The following CFTR variants were observed in gnomAD, a reference collection of about 807,000 sequenced individuals.
The protein encoded by CFTR is cystic fibrosis transmembrane conductance regulator.
A neutral mutation model predicts 171.6 loss-of-function variants in CFTR; 181 were observed. The ratio of observed to expected loss-of-function variants is 1.05; its 90% CI spans 0.93 to 1.19. CFTR has a LOEUF of 1.19. CFTR is among the 50% of genes most tolerant of loss of function. The pLI is 0.00. For synonymous variants in CFTR, 583 were observed against 608.0 expected (o/e 0.96, Z 0.60); for missense variants, 1,968 against 1,734.7 (o/e 1.13, Z -2.39).
At chr7:117,664,959 C>A (rs554926739) in intron 25 of CFTR, 99 bp downstream of exon 25, 7 of 1,258,062 alleles carry the variant, frequency 5.6e-6, no homozygotes, top group Non-Finnish European at 7.0e-6. Flanking sequence ...GTCATGTCTG[C>A]GTGTGGGGGT....
rs75036007 is a variant in CFTR at position 117,615,592 on chromosome 7, A to G, written c.3468+879A>G. ...TTGATAAATATTGCCACACATTTGT[A>G]TACTTTATTAGTGTGTACAAAGACC... On this transcript the variant is annotated intron_variant, in intron 21 of 26. Coordinates refer to ENST00000003084, the MANE Select transcript of CFTR (RefSeq NM_000492.4). Among the ~76,000 whole-genome samples, 313 of 151,748 alleles carry G rather than the reference A, an allele frequency of 2.1e-3. 1 individual carries two copies. The highest frequency in any genetic ancestry group is 7.3e-3 in the African/African-American group (304 of 41,446).
At chr7:117,502,629 A>G (rs930688416) in intron 1 of CFTR, among the ~76,000 whole-genome samples, 2 of 152,272 alleles carry the variant, frequency 1.3e-5, no homozygotes, top group Admixed American at 1.3e-4. Flanking sequence ...TGGGTGTGCC[A>G]TCACTTTCTC....
chr7:117,567,263 T>C (rs1329943356), intron 11 of CFTR, among the ~76,000 whole-genome samples: 7 of 152,214 alleles, frequency 4.6e-5, no homozygotes, highest in Admixed American at 4.6e-4. Context: ...CTTACACTTA[T>C]TTTTTAATGG....
At chr7:117,657,708 G>A (rs770900709) in intron 24 of CFTR, among the ~76,000 whole-genome samples, 1 of 152,158 alleles carries the variant, frequency 6.6e-6, no homozygotes, top group Non-Finnish European at 1.5e-5. Flanking sequence ...CTTTGTCCTT[G>A]CCATGACTAG....
At chr7:117,599,519 T>C (rs1248432890) in intron 15 of CFTR, among the ~76,000 whole-genome samples, 1 of 152,110 alleles carries the variant, frequency 6.6e-6, no homozygotes, top group East Asian at 1.9e-4. Context: ...TTTATTGAAC[T>C]GTCACAATTA....
intron 23 of CFTR, among the ~76,000 whole-genome samples, chr7:117,644,401 C>T (rs1208783720): frequency 1.3e-5 from 2 of 151,248 alleles, no homozygotes; most frequent in East Asian, 3.9e-4. Context: ...TAATTTTATC[C>T]TGTCCTAAAG....
At chr7:117,586,015 C>T (rs575825856) in intron 11 of CFTR, among the ~76,000 whole-genome samples, 3 of 152,320 alleles carry the variant, frequency 2.0e-5, no homozygotes, top group Admixed American at 1.3e-4. Flanking sequence ...GAAATACACA[C>T]ACGAGCTGTT....
At chr7:117,554,100 C>A (rs939573903) in intron 10 of CFTR, among the ~76,000 whole-genome samples, 58 of 152,042 alleles carry the variant, frequency 3.8e-4, no homozygotes. Flanking sequence ...GATTAGAGGC[C>A]ACTGGAGAGT....
At chr7:117,664,918 G>T in intron 25 of CFTR, 58 bp downstream of exon 25, 1 of 1,544,118 alleles carries the variant, frequency 6.5e-7, no homozygotes, top group Non-Finnish European at 9.0e-7. Flanking sequence ...CATTATGCCT[G>T]CTTCATGGTG....
intron 2 of CFTR, among the ~76,000 whole-genome samples, chr7:117,506,280 T>C (rs1798415247): frequency 6.6e-6 from 1 of 152,216 alleles, no homozygotes; most frequent in African/African-American, 2.4e-5. Flanking sequence ...AGAGTCTTGC[T>C]CTGTTGCCCA....
At chr7:117,575,199 A>T (rs866490690) in intron 11 of CFTR, among the ~76,000 whole-genome samples, 4 of 152,126 alleles carry the variant, frequency 2.6e-5, no homozygotes, top group African/African-American at 7.2e-5. Flanking sequence ...CATACAATTT[A>T]TAGTACCACC....
At chr7:117,638,788 TA>T (rs1383002249) in intron 22 of CFTR, among the ~76,000 whole-genome samples, 3 of 149,478 alleles carry the variant, frequency 2.0e-5, no homozygotes, top group Non-Finnish European at 4.4e-5. Flanking sequence ...AAAAATAAAA[TA>T]AAACAAAAAT....
Position 117,594,934 on chromosome 7 carries a change from G to A in CFTR, c.2495G>A (p.Cys832Tyr), listed in dbSNP as rs565589205. The stretch of plus-strand genomic sequence containing the variant: ...AGCCATAATTCTTTTATTCAGGAGT[G>A]CTTTTTTGATGATATGGAGAGCATA... ...EEINEEDLKE[C>Y]FFDDMESIPA... is the part of the protein sequence containing the mutation. The change falls in exon 15 of 27, where the codon TGC becomes TAC. Residue 832 changes from cysteine to tyrosine, a missense_variant. By Grantham distance (194) the Cys-to-Tyr change is radical. Transcript: ENST00000003084. The A allele has an allele frequency of 1.5e-5, 24 of 1,612,836 alleles. 1 individual carries two copies. The South Asian group carries it at 2.5e-4, about 17-fold the overall frequency.
At chr7:117,568,492 G>C (rs1404206470) in intron 11 of CFTR, among the ~76,000 whole-genome samples, 1 of 152,096 alleles carries the variant, frequency 6.6e-6, no homozygotes, top group Non-Finnish European at 1.5e-5. Flanking sequence ...ATAATTAGAA[G>C]ATTGAATGGA....
At chr7:117,544,246 C>T (rs1799103088) in intron 9 of CFTR, among the ~76,000 whole-genome samples, 1 of 152,116 alleles carries the variant, frequency 6.6e-6, no homozygotes, top group African/African-American at 2.4e-5. Context: ...AACAGTAGTG[C>T]TATCTGTTGA....
chr7:117,551,744 G>A (rs900491452), intron 10 of CFTR, among the ~76,000 whole-genome samples: 3 of 152,106 alleles, frequency 2.0e-5, no homozygotes, highest in Non-Finnish European at 2.9e-5. Flanking sequence ...ATAGAATTTT[G>A]CATCACTGGA....
chr7:117,561,443 A>T (rs1454210479), intron 11 of CFTR, among the ~76,000 whole-genome samples: 1 of 152,072 alleles, frequency 6.6e-6, no homozygotes, highest in African/African-American at 2.4e-5. Context: ...TCCTGTGCCT[A>T]TTAGCATCCA....
intron 6 of CFTR, 34 bp from the exon 7 acceptor site, chr7:117,536,514 A>ATT: frequency 6.5e-7 from 1 of 1,541,290 alleles, no homozygotes; most frequent in Non-Finnish European, 8.8e-7. Context: ...TTTTACTATT[A>ATT]GATTGATTGA....
chr7:117,665,687 C>T (rs1793364122), intron 26 of CFTR, 123 bp downstream of exon 26: 2 of 718,674 alleles, frequency 2.8e-6, no homozygotes, highest in Non-Finnish European at 5.1e-6. Context: ...ATGTATCATA[C>T]AGCCATCCAG....
Sources: gnomAD v4.1 joint callset for allele counts (sites outside exome capture counted in the v4.1 genomes callset) on GRCh38, gnomAD v4.1.1 for gene constraint, MANE v1.5 for transcripts, NCBI Gene and HGNC (gene_info 2026-07-23, HGNC 2026-07-21) for gene names.